Variants in MTHFD1L observed in about 807,000 individuals in gnomAD.
The protein encoded by MTHFD1L is monofunctional C1-tetrahydrofolate synthase, mitochondrial.
In MTHFD1L, 81 loss-of-function variants were observed where a neutral mutation model predicts 119.5. That is an observed-to-expected ratio of 0.68 (90% CI 0.57 to 0.82). The LOEUF (loss-of-function observed/expected upper bound fraction) is 0.82, where lower values mean the gene tolerates loss of function less well. MTHFD1L is among the 40% of genes least tolerant of loss of function. The pLI is 0.00. For synonymous variants in MTHFD1L, 430 were observed against 475.2 expected (o/e 0.90, Z 1.24); for missense variants, 1,125 against 1,253.4 (o/e 0.90, Z 1.55).
rs1790019437 is a variant in MTHFD1L, at chr6:150,926,548, T to C, written c.1256+253T>C. On this transcript the variant is annotated intron_variant, in intron 11 of 27. Transcript: ENST00000367321. This position sits in a 1 kb window ranked among gnomAD's most constrained non-coding sequence, Gnocchi z 4.3. ...TTTTGTTTCTCATATTATGTTGTTA[T>C]TACCCCTGCTCCTCCTTGACTTTTT... 6.6e-6 allele frequency among the ~76,000 whole-genome samples: 1 copy of C among 152,214 alleles called. No individual in the cohort carries two copies. Among genetic ancestry groups the C allele is most frequent in the South Asian group, 2.1e-4 (1 of 4,832 alleles).
chr6:150,983,359 T>C (rs894940222), intron 20 of MTHFD1L, among the ~76,000 whole-genome samples: 2 of 152,180 alleles, frequency 1.3e-5, no homozygotes, highest in Non-Finnish European at 2.9e-5. Flanking sequence ...TTAATCATCT[T>C]AGAATTTGTT....
At chr6:150,904,736 A>C (rs1048682947) in intron 7 of MTHFD1L, among the ~76,000 whole-genome samples, 2 of 152,124 alleles carry the variant, frequency 1.3e-5, no homozygotes, top group Admixed American at 6.6e-5. Flanking sequence ...CTTAATGTCA[A>C]CTTCCTACCA....
intron 26 of MTHFD1L, among the ~76,000 whole-genome samples, chr6:151,070,981 G>A (rs1328487818): frequency 6.6e-6 from 1 of 152,184 alleles, no homozygotes; most frequent in Non-Finnish European, 1.5e-5. Context: ...GGGAGGAGAA[G>A]CAACTGGTTT....
chr6:150,901,190 G>A (rs1364372042), intron 7 of MTHFD1L, among the ~76,000 whole-genome samples: 1 of 151,476 alleles, frequency 6.6e-6, no homozygotes, highest in Non-Finnish European at 1.5e-5. Context: ...CATAAAGCAT[G>A]TGGCACAGTG....
At chr6:150,934,928 G>C in intron 11 of MTHFD1L, 1 of 1,517,338 alleles carries the variant, frequency 6.6e-7, no homozygotes, top group Non-Finnish European at 8.8e-7. Context: ...AGCAAGAAGA[G>C]AAAAGCATTT....
intron 26 of MTHFD1L, among the ~76,000 whole-genome samples, chr6:151,081,771 G>A (rs1291645606): frequency 7.2e-5 from 11 of 152,222 alleles, no homozygotes; most frequent in Admixed American, 4.6e-4. Context: ...AGTTGTGAGG[G>A]AGAGAGGTGA....
intron 8 of MTHFD1L, among the ~76,000 whole-genome samples, chr6:150,913,614 G>A (rs1787331062): frequency 6.6e-6 from 1 of 152,182 alleles, no homozygotes; most frequent in Non-Finnish European, 1.5e-5. Context: ...CCTGAATGCA[G>A]TCTTAAAACT....
At chr6:150,893,419 A>G (rs1783676790) in intron 7 of MTHFD1L, among the ~76,000 whole-genome samples, 1 of 152,168 alleles carries the variant, frequency 6.6e-6, no homozygotes, top group Non-Finnish European at 1.5e-5. Flanking sequence ...AGTGCATTTT[A>G]AGATTATAAT....
At chr6:151,023,292 C>T (rs1784201404) in intron 24 of MTHFD1L, among the ~76,000 whole-genome samples, 3 of 152,070 alleles carry the variant, frequency 2.0e-5, no homozygotes, top group Admixed American at 1.3e-4. Flanking sequence ...AGTGATCTGT[C>T]CTCCTCAGCC....
At chr6:150,946,035 T>C (rs1793885521) in intron 15 of MTHFD1L, among the ~76,000 whole-genome samples, 1 of 152,236 alleles carries the variant, frequency 6.6e-6, no homozygotes, top group African/African-American at 2.4e-5. Context: ...ATTAGAATTT[T>C]TGGTGAGTCC....
chr6:151,021,330 C>T (rs368250422), intron 24 of MTHFD1L, among the ~76,000 whole-genome samples: 50 of 152,152 alleles, frequency 3.3e-4, no homozygotes, highest in African/African-American at 1.0e-3. Context: ...GGTGGATCAC[C>T]TGAGGCCAGG....
chr6:150,951,180 C>G (rs900898541), intron 16 of MTHFD1L, among the ~76,000 whole-genome samples: 2 of 151,234 alleles, frequency 1.3e-5, no homozygotes, highest in Admixed American at 6.6e-5. Flanking sequence ...GGAGGCTGTG[C>G]GCCACAACAC....
intron 18 of MTHFD1L, among the ~76,000 whole-genome samples, chr6:150,964,195 AAAT>A (rs1454130826): frequency 2.6e-4 from 40 of 152,342 alleles, no homozygotes; most frequent in African/African-American, 9.6e-4. Flanking sequence ...TCACATTAAA[AAAT>A]AATAACAAAC....
chr6:150,911,766 C>T (rs770685831), intron 8 of MTHFD1L, among the ~76,000 whole-genome samples: 3 of 151,972 alleles, frequency 2.0e-5, no homozygotes, highest in Non-Finnish European at 4.4e-5. Flanking sequence ...AAAATCATGG[C>T]GGGAGGTGAA....
chr6:150,884,552 T>G (rs1781908612), intron 5 of MTHFD1L, among the ~76,000 whole-genome samples: 1 of 152,236 alleles, frequency 6.6e-6, no homozygotes. Context: ...ATGAGAAAAC[T>G]TTCAGAACTT....
chr6:151,033,760 T>C (rs1461280351), intron 24 of MTHFD1L, among the ~76,000 whole-genome samples: 8 of 152,216 alleles, frequency 5.3e-5, no homozygotes, highest in Admixed American at 4.6e-4. Context: ...TCTCAATCCA[T>C]TACTGCTCAT....
intron 12 of MTHFD1L, among the ~76,000 whole-genome samples, chr6:150,938,307 C>G (rs563049042): frequency 1.3e-5 from 2 of 152,318 alleles, no homozygotes; most frequent in Non-Finnish European, 2.9e-5. Flanking sequence ...CATGAGCCAC[C>G]TCGCCCAGCC....
chr6:150,918,560 C>G lies in MTHFD1L; in HGVS notation c.893-17C>G, dbSNP rs1788385934. The stretch of plus-strand genomic sequence containing the variant: ...CAGTGTACTGAAAGTCTTTTTTTTC[C>G]CTCCAATTTTTTACAGGGAAGGTTG... On this transcript the variant is annotated splice_polypyrimidine_tract_variant and intron_variant, in intron 8 of 27. Transcript: ENST00000367321. 1.3e-6 allele frequency: 2 copies of G among 1,582,896 alleles called. No homozygotes were observed. The highest frequency in any genetic ancestry group is 1.7e-6 in the Non-Finnish European group (2 of 1,154,590).
At chr6:151,033,841 G>A (rs184517535) in intron 24 of MTHFD1L, among the ~76,000 whole-genome samples, 11 of 152,194 alleles carry the variant, frequency 7.2e-5, no homozygotes, top group Non-Finnish European at 1.0e-4. Context: ...TCACAATTTC[G>A]TTGGGAGACT....
Sources: allele counts gnomAD v4.1 joint callset (sites outside exome capture counted in the v4.1 genomes callset), GRCh38; gene constraint gnomAD v4.1.1; non-coding constraint Gnocchi (gnomAD v3.1); transcripts MANE v1.5; gene names NCBI Gene and HGNC (gene_info 2026-07-23, HGNC 2026-07-21).